The following RNF4 variants were observed in gnomAD, a reference collection of about 807,000 sequenced individuals.
RNF4 encodes E3 ubiquitin-protein ligase RNF4.
A neutral mutation model predicts 24.3 loss-of-function variants in RNF4; 7 were observed. The ratio of observed to expected loss-of-function variants is 0.29; its 90% CI spans 0.16 to 0.54. RNF4 has a LOEUF of 0.54. Among genes scored for constraint, RNF4 ranks in the 20% least tolerant of loss-of-function variants. RNF4 has a pLI of 0.95. For synonymous variants in RNF4, 83 were observed against 84.3 expected (o/e 0.98, Z 0.09); for missense variants, 209 against 248.5 (o/e 0.84, Z 1.07).
chr4:2,507,848 CT>C (rs372856778), intron 4 of RNF4, among the ~76,000 whole-genome samples: 36 of 147,298 alleles, frequency 2.4e-4, no homozygotes, highest in African/African-American at 4.9e-4. Context: ...GAATCTTTTT[CT>C]TTTTTTTTTT....
intron 1 of RNF4, among the ~76,000 whole-genome samples, chr4:2,487,560 A>G (rs1032346570): frequency 6.6e-6 from 1 of 152,214 alleles, no homozygotes; most frequent in Non-Finnish European, 1.5e-5. Context: ...TGCTGGGATT[A>G]CAGGCATGAG....
intron 1 of RNF4, among the ~76,000 whole-genome samples, chr4:2,489,019 G>C (rs1353621284): frequency 6.6e-6 from 1 of 151,916 alleles, no homozygotes; most frequent in African/African-American, 2.4e-5. Flanking sequence ...CACCATATTG[G>C]CCAGGCTAGT....
At chr4:2,477,589 AC>A (rs1735118460) in intron 1 of RNF4, among the ~76,000 whole-genome samples, 1 of 152,056 alleles carries the variant, frequency 6.6e-6, no homozygotes, top group Non-Finnish European at 1.5e-5. Flanking sequence ...ATCTAAAAAA[AC>A]AAAAGAGATC....
intron 1 of RNF4, among the ~76,000 whole-genome samples, chr4:2,474,158 G>A (rs1734996994): frequency 6.6e-6 from 1 of 151,832 alleles, no homozygotes; most frequent in Non-Finnish European, 1.5e-5. Flanking sequence ...GGCGGATCAC[G>A]AGGTCAGGAG....
Position 2,512,454 on chromosome 4 carries a change from G to A in RNF4, c.231G>A (p.Arg77=). The A allele has an allele frequency of 6.2e-7, 1 of 1,611,958 alleles. No homozygotes were observed. The highest frequency in any genetic ancestry group is 2.2e-5 in the East Asian group (1 of 44,816). Residue 77 remains arginine (R), a synonymous_variant, in exon 6 of 8, where the codon AGG becomes AGA. Coordinates refer to ENST00000314289, the MANE Select transcript of RNF4 (RefSeq NM_002938.5). This position sits in a 1 kb window ranked among gnomAD's most constrained non-coding sequence, Gnocchi z 4.1. ...TTACCTTAGAAAGAAGAAGACCAAGGAGGAATGCTAGGAGGCTGCCCCAGG... is the reference window on the plus strand; with the variant it reads ...TTACCTTAGAAAGAAGAAGACCAAGAAGGAATGCTAGGAGGCTGCCCCAGG... ...VVIVDERRRP[R]RNARRLPQDH...
intron 7 of RNF4, 24 bp downstream of exon 7, chr4:2,513,155 C>T (rs145465653): frequency 6.2e-7 from 1 of 1,609,916 alleles, no homozygotes; most frequent in Non-Finnish European, 8.5e-7. Context: ...GCTGTATCTT[C>T]CAGGCTTCTG....
At chr4:2,476,307 C>G (rs1735069886) in intron 1 of RNF4, among the ~76,000 whole-genome samples, 1 of 152,198 alleles carries the variant, frequency 6.6e-6, no homozygotes, top group South Asian at 2.1e-4. Context: ...TGGTTCTCGC[C>G]TCCTACTCTT....
chr4:2,490,546 T>C, intron 2 of RNF4, 44 bp downstream of exon 2: 1 of 1,582,346 alleles, frequency 6.3e-7, no homozygotes, highest in Non-Finnish European at 8.6e-7. Flanking sequence ...GTAGGGCTAA[T>C]TAACTACCTT....
intron 1 of RNF4, among the ~76,000 whole-genome samples, chr4:2,484,999 C>T (rs1560403244): frequency 1.3e-5 from 2 of 152,170 alleles, no homozygotes; most frequent in African/African-American, 2.4e-5. Context: ...TAGGAACCCT[C>T]GGCACCTTTG....
rs533978189 is a variant in RNF4 at position 2,473,612 on chromosome 4, A to G, written c.-158+4354A>G. ...TGGATTACGAGGTCAGGAGTTCACA[A>G]CCAGCCTGGCCAGATGGTGAAACCC... On this transcript the variant is annotated intron_variant, in intron 1 of 7. Coordinates refer to ENST00000314289, the MANE Select transcript of RNF4 (RefSeq NM_002938.5). Among the ~76,000 whole-genome samples, 24 of 150,108 alleles carry G rather than the reference A, an allele frequency of 1.6e-4. No homozygotes were observed. In the East Asian group the frequency reaches 3.6e-3, roughly 22 times the overall value.
intron 1 of RNF4, among the ~76,000 whole-genome samples, chr4:2,478,381 C>T (rs867893560): frequency 1.3e-5 from 2 of 152,226 alleles, no homozygotes; most frequent in African/African-American, 4.8e-5. Context: ...ACGTTAATCC[C>T]CAAGACAGTG....
chr4:2,497,196 G>A, intron 3 of RNF4, 75 bp downstream of exon 3: 2 of 1,148,772 alleles, frequency 1.7e-6, no homozygotes, highest in Non-Finnish European at 2.5e-6. Context: ...TGAGCTAGTA[G>A]AAGGTGCTTT....
chr4:2,511,842 AC>A lies in RNF4; in HGVS notation c.205-112del, dbSNP rs576493089. The A allele has an allele frequency of 7.1e-5, 77 of 1,081,240 alleles. No homozygotes were observed. In the Admixed American group the frequency reaches 9.6e-4, roughly 13 times the overall value. The allele number at this position is 1,081,240 out of a possible 1,614,324, so 67.0% of individuals were successfully genotyped here. A position where few individuals can be genotyped will look rare whatever the true frequency, so the allele number is the denominator to read the frequency against. ...GAGGAGGGTGGGGCCTCTGCTGCTC[AC>A]CAGAGGGTTCCACAGAGGGTGTCAC... On this transcript the variant is annotated intron_variant, in intron 4 of 7. Coordinates refer to ENST00000314289, the MANE Select transcript of RNF4 (RefSeq NM_002938.5).
intron 4 of RNF4, among the ~76,000 whole-genome samples, chr4:2,502,353 C>A (rs1422554547): frequency 6.6e-6 from 1 of 152,166 alleles, no homozygotes; most frequent in Non-Finnish European, 1.5e-5. Flanking sequence ...AAACCAACAT[C>A]ATTTCCCCTT....
intron 1 of RNF4, among the ~76,000 whole-genome samples, chr4:2,484,849 C>T (rs899611711): frequency 1.3e-5 from 2 of 152,186 alleles, no homozygotes; most frequent in East Asian, 3.9e-4. Context: ...CCTCCTTGGT[C>T]TACAGTCTGA....
intron 1 of RNF4, among the ~76,000 whole-genome samples, chr4:2,489,080 TG>T (rs1218859564): frequency 6.6e-6 from 1 of 152,190 alleles, no homozygotes; most frequent in Non-Finnish European, 1.5e-5. Context: ...CCCAGAGTGC[TG>T]GGATTACAGG....
intron 1 of RNF4, among the ~76,000 whole-genome samples, chr4:2,473,776 A>G (rs1578495361): frequency 1.3e-5 from 2 of 151,644 alleles, no homozygotes; most frequent in South Asian, 4.2e-4. Flanking sequence ...ACACTACTGC[A>G]CTCCAGCCTG....
chr4:2,504,406 G>C (rs1736004789), intron 4 of RNF4, among the ~76,000 whole-genome samples: 1 of 152,278 alleles, frequency 6.6e-6, no homozygotes, highest in African/African-American at 2.4e-5. Flanking sequence ...TGCTTGTCCA[G>C]TGGTGTCTCA....
At chr4:2,495,182 C>A (rs1352666221) in intron 2 of RNF4, among the ~76,000 whole-genome samples, 5 of 152,164 alleles carry the variant, frequency 3.3e-5, no homozygotes, top group African/African-American at 1.2e-4. Flanking sequence ...TTCTGTGCTC[C>A]TTAGTCCGTG....
Sources: gnomAD v4.1 joint callset for allele counts (sites outside exome capture counted in the v4.1 genomes callset) on GRCh38, gnomAD v4.1.1 for gene constraint, Gnocchi (gnomAD v3.1) non-coding constraint, MANE v1.5 for transcripts, NCBI Gene and HGNC (gene_info 2026-07-23, HGNC 2026-07-21) for gene names.